The following DMD variants were observed in gnomAD, a reference collection of about 807,000 sequenced individuals.
DMD encodes mutant dystrophin.
Under a neutral mutation model 330.1 loss-of-function variants are expected in DMD, and 63 were observed. That is an observed-to-expected ratio of 0.19 (90% confidence interval 0.16 to 0.24). DMD has a LOEUF of 0.24. Ranked by LOEUF, DMD falls within the 10% of genes least tolerant of loss-of-function variation. The pLI is 1.00. For synonymous variants in DMD, 1,223 were observed against 959.8 expected, an observed-to-expected ratio of 1.27 and a Z score of -5.07; for missense variants, 3,344 against 2,684.1, an observed-to-expected ratio of 1.25 and a Z score of -5.43.
intron 7 of DMD, among the ~76,000 whole-genome samples, chrX:32,756,751 A>T (rs1217547705): frequency 1.8e-5 from 2 of 112,012 alleles, no homozygotes; most frequent in East Asian, 5.6e-4. Context: ...TTAAAAAGGT[A>T]AGAGGATGTT....
intron 1 of DMD, among the ~76,000 whole-genome samples, chrX:33,077,636 A>G (rs2094865320): frequency 9.0e-6 from 1 of 111,567 alleles, no homozygotes; most frequent in Admixed American, 9.6e-5. Context: ...CAGAAACATT[A>G]TTACTCTCAT....
chrX:32,578,415 A>G (rs778317153), intron 13 of DMD, among the ~76,000 whole-genome samples: 2 of 112,159 alleles, frequency 1.8e-5, no homozygotes, highest in East Asian at 5.6e-4. Flanking sequence ...GCTAAAGGTC[A>G]GCTCACTTCG....
chrX:33,145,975 C>T (rs1202860061), intron 1 of DMD, among the ~76,000 whole-genome samples: 1 of 110,796 alleles, frequency 9.0e-6, no homozygotes, highest in East Asian at 2.8e-4. Context: ...CAACCTCCAC[C>T]TCCTGGGTTC....
In DMD at chrX:32,306,139, A is replaced by G. The variant is rs966809564; in HGVS notation, c.6117+3943T>C. Among the ~76,000 whole-genome samples, 3 of 109,529 alleles carry G rather than the reference A, an allele frequency of 2.7e-5. No homozygotes were observed. In the South Asian group the frequency reaches 1.2e-3, roughly 43 times the overall value. On this transcript the variant is annotated intron_variant, in intron 42 of 78. Transcript: ENST00000357033. ...TTTGCTTGCTTCTATTCTGTCTCCC[A>G]ATGTTATAATAAAAGCTGAATGAGG...
chrX:33,157,632 T>C (rs781450569), intron 1 of DMD, among the ~76,000 whole-genome samples: 1 of 112,021 alleles, frequency 8.9e-6, no homozygotes, highest in East Asian at 2.8e-4. Flanking sequence ...CAAATATATG[T>C]ATTGAATGAG....
chrX:33,013,728 G>A (rs1345002830), intron 2 of DMD, among the ~76,000 whole-genome samples: 1 of 112,516 alleles, frequency 8.9e-6, no homozygotes. Context: ...CTGAAATAAT[G>A]TTTTGCCACT....
At chrX:32,499,134 T>A (rs2043791623) in intron 19 of DMD, among the ~76,000 whole-genome samples, 1 of 111,980 alleles carries the variant, frequency 8.9e-6, no homozygotes, top group African/African-American at 3.2e-5. Context: ...ATCTTGGAAT[T>A]TCATTCTAAA....
chrX:33,222,677 G>A (rs1250252495), intron 1 of DMD, among the ~76,000 whole-genome samples: 1 of 111,927 alleles, frequency 8.9e-6, no homozygotes, highest in African/African-American at 3.2e-5. Context: ...TTATTGATAA[G>A]TGAATTCATC....
intron 2 of DMD, among the ~76,000 whole-genome samples, chrX:33,019,774 G>A (rs775831959): frequency 1.6e-4 from 18 of 110,968 alleles, no homozygotes; most frequent in Non-Finnish European, 2.8e-4. Context: ...AGACCAAGAG[G>A]GACAAAAAAA....
chrX:32,623,291 C>T (rs1236577960), intron 11 of DMD, among the ~76,000 whole-genome samples: 1 of 111,137 alleles, frequency 9.0e-6, no homozygotes, highest in Non-Finnish European at 1.9e-5. Context: ...CAAGGCTGAA[C>T]CAGAGGAAGA....
chrX:32,704,940 T>A (rs1181632038), intron 7 of DMD, among the ~76,000 whole-genome samples: 4 of 112,311 alleles, frequency 3.6e-5, no homozygotes, highest in Non-Finnish European at 7.5e-5. Flanking sequence ...GAGGCTTGCA[T>A]ACGAAGAGAT....
chrX:32,642,429 A>G (rs2059527812), intron 11 of DMD, among the ~76,000 whole-genome samples: 1 of 111,551 alleles, frequency 9.0e-6, no homozygotes, highest in East Asian at 2.8e-4. Context: ...GGACAAACTA[A>G]TTTTTTATGT....
rs1166644389 is a variant in DMD, at chrX:32,156,856, C to A, written c.6438+60060G>T. Among the ~76,000 whole-genome samples, 5 of 111,435 alleles carry A rather than the reference C, an allele frequency of 4.5e-5. No individual in the cohort carries two copies. In the Admixed American group the frequency reaches 4.8e-4, roughly 11 times the overall value. The stretch of plus-strand genomic sequence containing the variant: ...AAATGCAAGCTGGCATGGAACCAAG[C>A]CCAGAGGTTAATTCCTGAAGCTAGA... On this transcript the variant is annotated intron_variant, in intron 44 of 78. Transcript: ENST00000357033.
At chrX:33,079,961 G>A (rs916355910) in intron 1 of DMD, among the ~76,000 whole-genome samples, 2 of 111,563 alleles carry the variant, frequency 1.8e-5, no homozygotes, top group African/African-American at 3.3e-5. Context: ...ATCTTTTAAC[G>A]TTACAAAAAA....
At chrX:33,176,421 T>TAA (rs67294661) in intron 1 of DMD, among the ~76,000 whole-genome samples, 9 of 98,063 alleles carry the variant, frequency 9.2e-5, no homozygotes, top group Non-Finnish European at 1.2e-4. Context: ...AGAGTTAATG[T>TAA]AAAAAAAAAA....
At chrX:32,036,269 T>C (rs1164889461) in intron 44 of DMD, among the ~76,000 whole-genome samples, 1 of 110,098 alleles carries the variant, frequency 9.1e-6, no homozygotes, top group Non-Finnish European at 1.9e-5. Context: ...GAGTCTAGGG[T>C]GTAGAAATAG....
intron 2 of DMD, among the ~76,000 whole-genome samples, chrX:33,010,269 T>C (rs1322638325): frequency 2.8e-5 from 3 of 108,669 alleles, no homozygotes; most frequent in Non-Finnish European, 3.8e-5. Flanking sequence ...CAAATATGTG[T>C]GTATATGTAC....
intron 48 of DMD, among the ~76,000 whole-genome samples, chrX:31,850,429 G>C (rs1394543785): frequency 1.8e-5 from 2 of 111,736 alleles, no homozygotes; most frequent in Admixed American, 9.5e-5. Flanking sequence ...TCTTAATATG[G>C]CTGCCCTGCA....
intron 49 of DMD, among the ~76,000 whole-genome samples, chrX:31,825,989 C>T (rs927068512): frequency 3.1e-4 from 35 of 111,474 alleles, no homozygotes; most frequent in African/African-American, 1.0e-3. Context: ...AGATATTATG[C>T]GCTGCTCAAT....
Sources: gnomAD v4.1 joint callset for allele counts (sites outside exome capture counted in the v4.1 genomes callset) on GRCh38, gnomAD v4.1.1 for gene constraint, MANE v1.5 for transcripts, NCBI Gene and HGNC (gene_info 2026-07-23, HGNC 2026-07-21) for gene names.